ADAMTS20: variants seen among roughly 807,000 people sequenced by gnomAD.
ADAMTS20 encodes A disintegrin and metalloproteinase with thrombospondin motifs 20.
A neutral mutation model predicts 260.1 loss-of-function variants in ADAMTS20; 225 were observed. The observed-to-expected ratio is 0.87, with a 90% CI of 0.78 to 0.97. The LOEUF (loss-of-function observed/expected upper bound fraction) is 0.97. Ranked by LOEUF, ADAMTS20 falls within the 50% of genes least tolerant of loss-of-function variation. The pLI is 0.00. For missense variants in ADAMTS20, 2,400 were observed against 2,337.7 expected (o/e 1.03, Z -0.55); for synonymous variants, 802 against 769.5 (o/e 1.04, Z -0.70).
intron 3 of ADAMTS20, among the ~76,000 whole-genome samples, chr12:43,525,782 G>T (rs1197635637): frequency 6.6e-6 from 1 of 152,072 alleles, no homozygotes; most frequent in Non-Finnish European, 1.5e-5. Context: ...AAAAGTCAAA[G>T]AAGGTAATTA....
In ADAMTS20 at chr12:43,551,734, C is replaced by A; in HGVS notation, c.91+97G>T. 1 of 1,280,780 alleles carries A rather than the reference C, an allele frequency of 7.8e-7. No individual in the cohort carries two copies. Among genetic ancestry groups the A allele is most frequent in the Non-Finnish European group, 1.1e-6 (1 of 898,666 alleles). 79.3% of individuals were successfully genotyped at this position (1,280,780 alleles called of 1,614,324 possible). Reference sequence around the variant, plus strand: ...CGGGAGCTCCAGCAGGGCCAGCGTTCCCCAACGGGCTGAGCCGCTCGTCCC... The same window carrying A: ...CGGGAGCTCCAGCAGGGCCAGCGTTACCCAACGGGCTGAGCCGCTCGTCCC... On this transcript the variant is annotated intron_variant, in intron 1 of 38. Coordinates refer to ENST00000389420, the MANE Select transcript of ADAMTS20 (RefSeq NM_025003.5). This position sits in a 1 kb window ranked among gnomAD's most constrained non-coding sequence, Gnocchi z 4.6.
intron 31 of ADAMTS20, 64 bp from the exon 32 acceptor site, chr12:43,377,626 C>A: frequency 7.6e-7 from 1 of 1,310,390 alleles, no homozygotes. Context: ...TAATATTTGT[C>A]AGATGCTTAA....
chr12:43,393,279 A>G (rs1940633623), intron 29 of ADAMTS20, among the ~76,000 whole-genome samples: 1 of 152,088 alleles, frequency 6.6e-6, no homozygotes, highest in African/African-American at 2.4e-5. Context: ...TTTTTAAAAA[A>G]TCCAGGTAAT....
intron 31 of ADAMTS20, 45 bp from the exon 32 acceptor site, chr12:43,377,607 G>T (rs1940259242): frequency 3.3e-6 from 5 of 1,507,304 alleles, no homozygotes; most frequent in Non-Finnish European, 4.5e-6. Context: ...ATTAACTTTA[G>T]CCAGGGCCTA....
At chr12:43,498,782 T>C (rs1942712710) in intron 4 of ADAMTS20, among the ~76,000 whole-genome samples, 1 of 152,154 alleles carries the variant, frequency 6.6e-6, no homozygotes, top group African/African-American at 2.4e-5. Context: ...CAGTCCCAGT[T>C]TGCTCAGGAC....
At chr12:43,460,984 A>ATTTTTTTTT (rs1298508563) in intron 11 of ADAMTS20, among the ~76,000 whole-genome samples, 2 of 39,684 alleles carry the variant, frequency 5.0e-5, no homozygotes, top group Non-Finnish European at 9.3e-5. Context: ...ATATATATAT[A>ATTTTTTTTT]TATATTTTTT....
chr12:43,417,745 T>C (rs1336862173), intron 28 of ADAMTS20, among the ~76,000 whole-genome samples: 1 of 152,198 alleles, frequency 6.6e-6, no homozygotes, highest in East Asian at 1.9e-4. Context: ...TATACTCATA[T>C]TTGTTTTATC....
At chr12:43,382,653 T>G (rs1000449311) in intron 31 of ADAMTS20, among the ~76,000 whole-genome samples, 1 of 151,880 alleles carries the variant, frequency 6.6e-6, no homozygotes, top group African/African-American at 2.4e-5. Context: ...AAGAAGATGT[T>G]AAAAAGATAA....
At chr12:43,519,147 A>T (rs1943038548) in intron 3 of ADAMTS20, among the ~76,000 whole-genome samples, 2 of 152,124 alleles carry the variant, frequency 1.3e-5, no homozygotes, top group African/African-American at 4.8e-5. Context: ...GTTTAGCCAG[A>T]TTCAGTACTG....
chr12:43,466,279 C>A (rs916066259), intron 9 of ADAMTS20, among the ~76,000 whole-genome samples: 3 of 151,912 alleles, frequency 2.0e-5, no homozygotes, highest in African/African-American at 7.2e-5. Context: ...TTGAGCCACT[C>A]AAATTTCTCT....
chr12:43,400,468 T>A (rs1940788135), intron 28 of ADAMTS20, among the ~76,000 whole-genome samples: 1 of 152,042 alleles, frequency 6.6e-6, no homozygotes, highest in South Asian at 2.1e-4. Context: ...TATTATCATA[T>A]CTTAGATGTT....
Position 43,428,221 on chromosome 12 carries a change from A to T in ADAMTS20, c.3945+20T>A. On this transcript the variant is annotated intron_variant, in intron 26 of 38. Coordinates refer to ENST00000389420, the MANE Select transcript of ADAMTS20 (RefSeq NM_025003.5). The stretch of plus-strand genomic sequence containing the variant: ...ATAACAAAATTACAGAATTAATATA[A>T]CTCAATAAAGATGGCTTACTGATCC... 6.2e-7 allele frequency: 1 copy of T among 1,610,214 alleles called. No homozygotes were observed.
intron 31 of ADAMTS20, among the ~76,000 whole-genome samples, chr12:43,381,242 C>G (rs1163798147): frequency 1.3e-5 from 2 of 152,018 alleles, no homozygotes; most frequent in African/African-American, 4.8e-5. Context: ...ATTGTCTGAG[C>G]TACAATTATA....
chr12:43,515,704 C>A (rs989646798), intron 3 of ADAMTS20, among the ~76,000 whole-genome samples: 4 of 152,040 alleles, frequency 2.6e-5, no homozygotes, highest in Admixed American at 1.3e-4. Context: ...AACAAAAATT[C>A]TATGTGATAT....
rs1486074388 is a variant in ADAMTS20 at position 43,428,264 on chromosome 12, A to G, written c.3922T>C (p.Trp1308Arg). Residue 1308 changes from tryptophan (W) to arginine (R), a missense_variant, in exon 26 of 39, where the codon TGG becomes CGG. Coordinates refer to ENST00000389420, the MANE Select transcript of ADAMTS20 (RefSeq NM_025003.5). ...VVHPSVRGNQ[W>R]RTGPWGSCSS... is the part of the protein sequence containing the mutation. ...ACTGATCCCCATGGTCCGGTTCTCC[A>G]CTGGTTTCCTCTGACTGATGGATGG... 6.2e-7 allele frequency: 1 copy of G among 1,613,976 alleles called. No individual in the cohort carries two copies. Among genetic ancestry groups the G allele is most frequent in the Non-Finnish European group, 8.5e-7 (1 of 1,179,858 alleles).
chr12:43,523,001 ACTTTTC>A (rs1195166086), intron 3 of ADAMTS20, among the ~76,000 whole-genome samples: 2 of 152,210 alleles, frequency 1.3e-5, no homozygotes, highest in South Asian at 4.1e-4. Context: ...AAAAGATATC[ACTTTTC>A]CTTTTCCATT....
intron 18 of ADAMTS20, among the ~76,000 whole-genome samples, chr12:43,438,748 G>T (rs1941603836): frequency 6.6e-6 from 1 of 152,014 alleles, no homozygotes; most frequent in Admixed American, 6.6e-5. Context: ...ACCCACTCCT[G>T]CCCTAATTCC....
At chr12:43,475,979 C>A (rs1254119843) in intron 7 of ADAMTS20, among the ~76,000 whole-genome samples, 6 of 137,922 alleles carry the variant, frequency 4.4e-5, no homozygotes, top group Non-Finnish European at 7.7e-5. Context: ...GCAACAAAAG[C>A]CAAAATTGAC....
At chr12:43,380,533 T>C (rs562493421) in intron 31 of ADAMTS20, among the ~76,000 whole-genome samples, 1 of 152,088 alleles carries the variant, frequency 6.6e-6, no homozygotes, top group East Asian at 1.9e-4. Context: ...AAGTAGAAAA[T>C]CCCATTTAAT....
Sources: gnomAD v4.1 joint callset for allele counts (sites outside exome capture counted in the v4.1 genomes callset) on GRCh38, gnomAD v4.1.1 for gene constraint, Gnocchi (gnomAD v3.1) non-coding constraint, MANE v1.5 for transcripts, NCBI Gene and HGNC (gene_info 2026-07-23, HGNC 2026-07-21) for gene names.